Variants in NR2C1 observed in about 807,000 individuals in gnomAD.
The protein encoded by NR2C1 is TR2 nuclear hormone receptor.
In NR2C1, 33 loss-of-function variants were observed where a neutral mutation model predicts 74.8. The observed-to-expected ratio is 0.44, with a 90% CI of 0.33 to 0.59. The LOEUF (loss-of-function observed/expected upper bound fraction) is 0.59. Among genes scored for constraint, NR2C1 ranks in the 20% least tolerant of loss-of-function variants. NR2C1 has a pLI of 0.02. For missense variants in NR2C1, 568 were observed against 715.6 expected (o/e 0.79, Z 2.35); for synonymous variants, 225 against 240.6 (o/e 0.94, Z 0.60).
intron 3 of NR2C1, among the ~76,000 whole-genome samples, chr12:95,061,813 G>A (rs145909306): frequency 2.2e-4 from 33 of 152,276 alleles, no homozygotes; most frequent in African/African-American, 7.7e-4. Context: ...TGAAAACATC[G>A]ACATAACCAC....
chr12:95,045,054 A>C (rs1872135631), intron 9 of NR2C1, among the ~76,000 whole-genome samples: 1 of 152,150 alleles, frequency 6.6e-6, no homozygotes, highest in Non-Finnish European at 1.5e-5. Context: ...AATAGAAAAA[A>C]ATCATTTGAG....
At chr12:95,060,098 T>C in intron 3 of NR2C1, 114 bp from the exon 4 acceptor site, 2 of 818,080 alleles carry the variant, frequency 2.4e-6, no homozygotes. Flanking sequence ...TTTGTTGCTT[T>C]CTTTTTCACA....
chr12:95,050,887 C>G (rs1872910465), intron 8 of NR2C1, among the ~76,000 whole-genome samples: 1 of 151,990 alleles, frequency 6.6e-6, no homozygotes, highest in South Asian at 2.1e-4. Flanking sequence ...TAAACTAAAC[C>G]TTTTACATTA....
intron 10 of NR2C1, among the ~76,000 whole-genome samples, chr12:95,034,341 T>C (rs997308370): frequency 3.3e-5 from 5 of 152,136 alleles, no homozygotes; most frequent in African/African-American, 1.2e-4. Flanking sequence ...AATATTCCTA[T>C]AGAAAATGCT....
chr12:95,056,075 GGGTAAC>G (rs1024175198), intron 7 of NR2C1, among the ~76,000 whole-genome samples: 30 of 151,902 alleles, frequency 2.0e-4, no homozygotes, highest in African/African-American at 7.0e-4. Context: ...GAGACCAGCT[GGGTAAC>G]ACAATGAAAC....
chr12:95,032,087 T>TG (rs1291867988), intron 10 of NR2C1, among the ~76,000 whole-genome samples: 4 of 152,198 alleles, frequency 2.6e-5, no homozygotes, highest in African/African-American at 7.2e-5. Flanking sequence ...AGGCTGGTCT[T>TG]GAACTCCTGA....
chr12:95,037,108 C>T (rs1870943179), intron 10 of NR2C1, among the ~76,000 whole-genome samples: 1 of 152,150 alleles, frequency 6.6e-6, no homozygotes, highest in Non-Finnish European at 1.5e-5. Context: ...AATAAAGTCT[C>T]CTGTGGTAAA....
intron 7 of NR2C1, among the ~76,000 whole-genome samples, chr12:95,052,158 GTTTT>G (rs201217929): frequency 7.1e-6 from 1 of 141,094 alleles, no homozygotes; most frequent in Non-Finnish European, 1.6e-5. Flanking sequence ...ATGTTACTTT[GTTTT>G]TTTTTTTTTT....
intron 9 of NR2C1, among the ~76,000 whole-genome samples, chr12:95,048,281 A>T (rs1272138459): frequency 6.6e-6 from 1 of 152,158 alleles, no homozygotes; most frequent in Admixed American, 6.5e-5. Context: ...TACATAACAA[A>T]TGGAGCTCTT....
chr12:95,057,719 GTT>G lies in NR2C1; in HGVS notation c.692+10_692+11del. The G allele has an allele frequency of 6.2e-7, 1 of 1,613,468 alleles. No individual in the cohort carries two copies. Among genetic ancestry groups the G allele is most frequent in the Non-Finnish European group, 8.5e-7 (1 of 1,179,692 alleles). The stretch of plus-strand genomic sequence containing the variant: ...CAAAATGACCAGCTACTCAGTGTCT[GTT>G]TTACTTTACCTTGTACTTTCACTAT... On this transcript the variant is annotated intron_variant, in intron 6 of 13. Transcript: ENST00000333003.
intron 11 of NR2C1, among the ~76,000 whole-genome samples, chr12:95,030,214 G>A (rs188755404): frequency 3.6e-4 from 55 of 152,266 alleles, no homozygotes; most frequent in Non-Finnish European, 5.6e-4. Flanking sequence ...AAGATAGGAT[G>A]TAAAGATAAC....
chr12:95,055,727 G>C (rs1300232934), intron 7 of NR2C1, among the ~76,000 whole-genome samples: 1 of 152,142 alleles, frequency 6.6e-6, no homozygotes, highest in East Asian at 1.9e-4. Context: ...GCTGAGGCAG[G>C]CGGATCATGA....
Position 95,057,598 on chromosome 12 carries a change from T to A in NR2C1, c.738A>T (p.Pro246=), listed in dbSNP as rs769541173. 6 of 1,614,114 alleles carry A rather than the reference T, an allele frequency of 3.7e-6. No individual in the cohort carries two copies. The South Asian group carries it at 5.5e-5, about 15-fold the overall frequency. ...LDSGMFMNIH[P]SGVKTESAVL... ...CAGCTGACTCAGTTTTTACTCCAGA[T>A]GGATGAATATTCATGAACATTCCTG... The change falls in exon 7 of 14, where the codon CCA becomes CCT. Residue 246 remains proline, a synonymous_variant. Transcript: ENST00000333003.
At chr12:95,072,455 CAAAAAA>C (rs570185714) in intron 1 of NR2C1, among the ~76,000 whole-genome samples, 5 of 60,308 alleles carry the variant, frequency 8.3e-5, no homozygotes, top group Non-Finnish European at 1.3e-4. Flanking sequence ...CTCTCCCTCT[CAAAAAA>C]AAAAAAAAAA....
chr12:95,038,025 T>G (rs1015625729), intron 10 of NR2C1, among the ~76,000 whole-genome samples: 1 of 151,596 alleles, frequency 6.6e-6, no homozygotes, highest in Admixed American at 6.6e-5. Context: ...AACACATAAA[T>G]AAGATCTATG....
At chr12:95,026,863 T>C (rs936330773) in intron 12 of NR2C1, 1 of 152,188 alleles carries the variant, frequency 6.6e-6, no homozygotes, top group African/African-American at 2.4e-5. Context: ...CTGTGAAAAC[T>C]GTAAACTGGC....
At chr12:95,031,206 G>T in intron 11 of NR2C1, 143 bp downstream of exon 11, 1 of 696,496 alleles carries the variant, frequency 1.4e-6, no homozygotes, top group Non-Finnish European at 2.1e-6. Context: ...TTATAAAATT[G>T]TAAAAATTAT....
chr12:95,065,326 G>A (rs1380687937), intron 2 of NR2C1, among the ~76,000 whole-genome samples: 3 of 152,058 alleles, frequency 2.0e-5, no homozygotes, highest in Admixed American at 6.6e-5. Context: ...GGGATTACAG[G>A]CGCCCGCCAC....
intron 10 of NR2C1, among the ~76,000 whole-genome samples, chr12:95,036,339 C>G (rs929775749): frequency 6.6e-6 from 1 of 150,646 alleles, no homozygotes; most frequent in Non-Finnish European, 1.5e-5. Context: ...TTGGGAGGCT[C>G]GGCTGGGAGA....
Sources: gnomAD v4.1 joint callset for allele counts (sites outside exome capture counted in the v4.1 genomes callset) on GRCh38, gnomAD v4.1.1 for gene constraint, MANE v1.5 for transcripts, NCBI Gene and HGNC (gene_info 2026-07-23, HGNC 2026-07-21) for gene names.